Variants in SF3B2 observed in about 807,000 individuals in gnomAD.
SF3B2 encodes the protein SAP 145.
Under a neutral mutation model 116.3 loss-of-function variants are expected in SF3B2, and 22 were observed. The ratio of observed to expected loss-of-function variants is 0.19; its 90% CI spans 0.14 to 0.27. The LOEUF (loss-of-function observed/expected upper bound fraction) is 0.27, where lower values mean the gene tolerates loss of function less well. Ranked by LOEUF, SF3B2 falls within the 10% of genes least tolerant of loss-of-function variation. The probability of loss-of-function intolerance (pLI) is 1.00; values close to 1 mark genes in which losing one functional copy is unlikely to be tolerated. For missense variants in SF3B2, 767 were observed against 1,151.4 expected, an observed-to-expected ratio of 0.67 and a Z score of 4.83; for synonymous variants, 406 against 421.6, an observed-to-expected ratio of 0.96 and a Z score of 0.45.
chr11:66,068,388 G>A (rs916815109), intron 21 of SF3B2, 55 bp downstream of exon 21: 41 of 1,506,996 alleles, frequency 2.7e-5, no homozygotes, highest in African/African-American at 1.8e-4. Flanking sequence ...CTGGCCTGCC[G>A]TTTTCAGTGG....
At chr11:66,061,860 C>A in intron 15 of SF3B2, 31 bp from the exon 16 acceptor site, 1 of 1,606,920 alleles carries the variant, frequency 6.2e-7, no homozygotes, top group Non-Finnish European at 8.5e-7. Flanking sequence ...TAGGGTTTGG[C>A]AGATGGTATC....
chr11:66,054,603 G>T (rs1171502942), intron 3 of SF3B2, among the ~76,000 whole-genome samples: 4 of 152,140 alleles, frequency 2.6e-5, no homozygotes, highest in Middle Eastern at 3.2e-3. Context: ...GTGACATCGA[G>T]GGCTCCCTGA....
chr11:66,053,764 T>G (rs1856936698), intron 3 of SF3B2: 1 of 154,038 alleles, frequency 6.5e-6, no homozygotes, highest in Non-Finnish European at 1.4e-5. Flanking sequence ...GGCTTAATAC[T>G]TAGGCAGTGG....
intron 2 of SF3B2, 137 bp downstream of exon 2, chr11:66,052,856 G>A (rs910147890): frequency 1.2e-5 from 15 of 1,245,554 alleles, no homozygotes; most frequent in Non-Finnish European, 1.6e-5. Flanking sequence ...GCTTGTTCTT[G>A]CCTTTGCCAG....
chr11:66,055,303 G>C lies in SF3B2; in HGVS notation c.486G>C (p.Glu162Asp). Reference sequence around the variant, plus strand: ...CGGCATTGCTGATGCAGCAGGAGGAGCGTGCCAAGCAGGTAGGGCAGGTGG... The same window carrying C: ...CGGCATTGCTGATGCAGCAGGAGGACCGTGCCAAGCAGGTAGGGCAGGTGG... Reference protein sequence around the residue: ...QQAALLMQQEERAKQQGDHSL... With the variant: ...QQAALLMQQEDRAKQQGDHSL... Residue 162 changes from glutamate to aspartate, a missense_variant, in exon 4 of 22, where the codon GAG becomes GAC. Around this residue, in one of 4 missense-constraint regions of SF3B2, gnomAD observed 455 missense variants for 537.5 expected, o/e 0.85. Coordinates refer to ENST00000322535, the MANE Select transcript of SF3B2 (RefSeq NM_006842.3). 6.2e-7 allele frequency: 1 copy of C among 1,612,602 alleles called. No homozygotes were observed. Among genetic ancestry groups the C allele is most frequent in the Non-Finnish European group, 8.5e-7 (1 of 1,179,582 alleles).
At chr11:66,053,706 T>G (rs1301948144) in intron 3 of SF3B2, 132 of 89,238 alleles carry the variant, frequency 1.5e-3, no homozygotes, top group African/African-American at 1.8e-3. Context: ...GGGGAGGTGA[T>G]GGGGGAGGGG....
Position 66,068,335 on chromosome 11 carries a change from T to C in SF3B2, c.2616+2T>C, listed in dbSNP as rs527569884. 290 of 1,606,584 alleles carry C rather than the reference T, an allele frequency of 1.8e-4. No homozygotes were observed. Among genetic ancestry groups the C allele is most frequent in the Non-Finnish European group, 2.3e-4 (271 of 1,177,618 alleles). ...GCTGAGCACGCTGCCAAACAGAAGG[T>C]AGGCGCTTCCAGGGGCGCTGGGCTG... On this transcript the variant is annotated splice_donor_variant, in intron 21 of 21. Coordinates refer to ENST00000322535, the MANE Select transcript of SF3B2 (RefSeq NM_006842.3). LOFTEE classifies it high-confidence loss of function.
intron 9 of SF3B2, 65 bp downstream of exon 9, chr11:66,058,470 A>G: frequency 7.9e-7 from 1 of 1,258,730 alleles, no homozygotes; most frequent in South Asian, 1.2e-5. Context: ...GAAATAACAC[A>G]ATTTGTAAGT....
chr11:66,057,311 C>A lies in SF3B2; in HGVS notation c.713C>A (p.Pro238His). The A allele has an allele frequency of 6.2e-7, 1 of 1,610,212 alleles. No individual in the cohort carries two copies. Among genetic ancestry groups the A allele is most frequent in the Non-Finnish European group, 8.5e-7 (1 of 1,176,400 alleles). The change falls in exon 7 of 22, where the codon CCC (proline) becomes CAC (histidine). Residue 238 changes from proline to histidine, a missense_variant. Around this residue, in one of 4 missense-constraint regions of SF3B2, gnomAD observed 455 missense variants for 537.5 expected, o/e 0.85. Transcript: ENST00000322535. Reference sequence around the variant, plus strand: ...GTGGGCCCCACTCCTACAGTTTTGCCCATGGGAGCCCCTGTTCCCCGGCCT... The same window carrying A: ...GTGGGCCCCACTCCTACAGTTTTGCACATGGGAGCCCCTGTTCCCCGGCCT... Reference protein sequence around the residue: ...GPVGPTPTVLPMGAPVPRPRG... With the variant: ...GPVGPTPTVLHMGAPVPRPRG...
chr11:66,053,715 G>C (rs1590707363), intron 3 of SF3B2: 1 of 153,048 alleles, frequency 6.5e-6, no homozygotes, highest in Non-Finnish European at 1.5e-5. Context: ...ATGGGGGAGG[G>C]GCTGGGAGAG....
intron 2 of SF3B2, 72 bp from the exon 3 acceptor site, chr11:66,052,955 T>C: frequency 6.7e-7 from 1 of 1,483,068 alleles, no homozygotes; most frequent in Non-Finnish European, 9.4e-7. Flanking sequence ...TTTTGTTGAA[T>C]GAATTGGGAG....
Position 66,055,521 on chromosome 11 carries a change from T to A in SF3B2, c.499-14T>A. On this transcript the variant is annotated splice_polypyrimidine_tract_variant and intron_variant, in intron 4 of 21. Coordinates refer to ENST00000322535, the MANE Select transcript of SF3B2 (RefSeq NM_006842.3). The stretch of plus-strand genomic sequence containing the variant: ...GGGTATTGGTGCTGGTATGAACTTG[T>A]TTTCTTTTTTAAGCAGGGAGATCAT... 1 of 1,614,114 alleles carries A rather than the reference T, an allele frequency of 6.2e-7. No individual in the cohort carries two copies. Among genetic ancestry groups the A allele is most frequent in the Middle Eastern group, 1.6e-4 (1 of 6,062 alleles).
chr11:66,053,211 C>A, intron 3 of SF3B2, 107 bp downstream of exon 3: 1 of 1,052,158 alleles, frequency 9.5e-7, no homozygotes, highest in Non-Finnish European at 1.5e-6. Flanking sequence ...GACACCCTTG[C>A]ACATTACTCG....
rs1460971531 is a variant in SF3B2, at chr11:66,065,272, T to C, written c.2330+1543T>C. On this transcript the variant is annotated intron_variant, in intron 19 of 21. Coordinates refer to ENST00000322535, the MANE Select transcript of SF3B2 (RefSeq NM_006842.3). Reference sequence around the variant, plus strand: ...CATGTGTGAGTGACCGCATCAGCCTTCTTTCAGTACTTTTAAGATGTTGCT... The same window carrying C: ...CATGTGTGAGTGACCGCATCAGCCTCCTTTCAGTACTTTTAAGATGTTGCT... 2.0e-5 allele frequency: 3 copies of C among 152,226 alleles called. No individual in the cohort carries two copies. The East Asian group carries it at 5.8e-4, about 29-fold the overall frequency. The allele number at this position is 152,226 out of a possible 1,614,324, so 9.4% of individuals were successfully genotyped here. A position where few individuals can be genotyped will look rare whatever the true frequency, so the allele number is the denominator to read the frequency against.
At chr11:66,061,850 T>C (rs745754424) in intron 15 of SF3B2, 41 bp from the exon 16 acceptor site, 1 of 1,606,382 alleles carries the variant, frequency 6.2e-7, no homozygotes, top group Non-Finnish European at 8.5e-7. Flanking sequence ...GAGACAGGGA[T>C]AGGGTTTGGC....
At chr11:66,068,447 C>T (rs948809862) in intron 21 of SF3B2, 114 bp downstream of exon 21, 1 of 1,119,890 alleles carries the variant, frequency 8.9e-7, no homozygotes, top group South Asian at 1.6e-5. Context: ...GCTTGCTGCT[C>T]TGTGCTTCCT....
chr11:66,057,340 G>C lies in SF3B2; in HGVS notation c.742G>C (p.Gly248Arg), dbSNP rs950808255. The change falls in exon 7 of 22, where the codon GGT becomes CGT. Residue 248 changes from glycine to arginine, a missense_variant. Coordinates refer to ENST00000322535, the MANE Select transcript of SF3B2 (RefSeq NM_006842.3). ...GGGAGCCCCTGTTCCCCGGCCTCGT[G>C]GTCCCCCACCGCCCCCTGGAGATGA... The part of the protein sequence containing the change: ...PMGAPVPRPR[G>R]PPPPPGDENR... The C allele has an allele frequency of 6.4e-7, 1 of 1,573,206 alleles. No individual in the cohort carries two copies. The highest frequency in any genetic ancestry group is 1.3e-5 in the African/African-American group (1 of 74,238).
chr11:66,053,093 A>C lies in SF3B2; in HGVS notation c.247A>C (p.Met83Leu). 1 of 1,613,968 alleles carries C rather than the reference A, an allele frequency of 6.2e-7. No homozygotes were observed. The highest frequency in any genetic ancestry group is 8.5e-7 in the Non-Finnish European group (1 of 1,179,926). Residue 83 changes from methionine to leucine, a missense_variant, in exon 3 of 22, where the codon ATG (methionine) becomes CTG (leucine). This residue lies in a region of SF3B2 where 455 missense variants were observed against 537.5 expected (regional missense o/e 0.85). Transcript: ENST00000322535. ...EDGDKAAPPP[M>L]SAQLPGIPMP... ...TGGGGACAAAGCCGCTCCACCTCCC[A>C]TGTCGGCACAGGTAGGGAGATTCTT...
At position 66,055,218 on chromosome 11, in the gene SF3B2, G is replaced by C. The variant is rs145088115; in HGVS notation, c.401G>C (p.Arg134Pro). 11 of 1,612,356 alleles carry C rather than the reference G, an allele frequency of 6.8e-6. No homozygotes were observed. The East Asian group carries it at 1.1e-4, about 16-fold the overall frequency. ...AATTTGGGGCCCCCGCCTCCTCTCC[G>C]TGTGGGTGAGCCAGTGGCACTGTCA... ...PPNLGPPPPL[R>P]VGEPVALSEE... Residue 134 changes from arginine (R) to proline (P), a missense_variant, in exon 4 of 22, where the codon CGT becomes CCT. Physicochemically the swap from Arg to Pro is moderately radical, Grantham distance 103. Coordinates refer to ENST00000322535, the MANE Select transcript of SF3B2 (RefSeq NM_006842.3).
Sources: allele counts gnomAD v4.1 joint callset (sites outside exome capture counted in the v4.1 genomes callset), GRCh38; gene constraint gnomAD v4.1.1; regional missense constraint gnomAD v4.1.1; transcripts MANE v1.5; gene names NCBI Gene and HGNC (gene_info 2026-07-23, HGNC 2026-07-21).